Variants in CENPK observed in about 807,000 individuals in gnomAD.
CENPK encodes centromere protein K.
In CENPK, 46 loss-of-function variants were observed where a neutral mutation model predicts 40.9. The observed-to-expected ratio is 1.13, with a 90% CI of 0.89 to 1.44. The LOEUF (loss-of-function observed/expected upper bound fraction) is 1.44, where lower values mean the gene tolerates loss of function less well. Among genes scored for constraint, CENPK ranks in the 40% most tolerant of loss-of-function variants. CENPK has a pLI of 0.00. For synonymous variants in CENPK, 107 were observed against 104.4 expected, an observed-to-expected ratio of 1.02 and a Z score of -0.15; for missense variants, 288 against 303.5, an observed-to-expected ratio of 0.95 and a Z score of 0.38.
chr5:65,521,600 T>C (rs939787185), intron 9 of CENPK, 72 bp from the exon 10 acceptor site: 5 of 1,018,920 alleles, frequency 4.9e-6, no homozygotes, highest in Non-Finnish European at 7.5e-6. Context: ...GGACTGTTTT[T>C]ATAAGACTTT....
chr5:65,551,667 G>A lies in CENPK; in HGVS notation c.169-31C>T, dbSNP rs759409898. 8.7e-6 allele frequency: 11 copies of A among 1,260,814 alleles called. No individual in the cohort carries two copies. The Admixed American group carries it at 1.4e-4, about 16-fold the overall frequency. The allele number at this position is 1,260,814 out of a possible 1,614,324, so 78.1% of individuals were successfully genotyped here. ...AAAGAAGAAAACAAAGTCATTTTCT[G>A]TGGACTATTCATACCTATTCATAGA... On this transcript the variant is annotated intron_variant, in intron 4 of 10. Coordinates refer to ENST00000396679, the MANE Select transcript of CENPK (RefSeq NM_022145.5).
chr5:65,535,913 C>T (rs1035218949), intron 6 of CENPK, among the ~76,000 whole-genome samples: 2 of 152,042 alleles, frequency 1.3e-5, no homozygotes, highest in African/African-American at 2.4e-5. Context: ...GATTACAGGG[C>T]GGGTAAAGTT....
chr5:65,563,070 A>T, intron 1 of CENPK, 28 bp downstream of exon 1: 1 of 435,936 alleles, frequency 2.3e-6, no homozygotes. Flanking sequence ...TTCAACCGTT[A>T]TATCAACCTC....
intron 5 of CENPK, among the ~76,000 whole-genome samples, chr5:65,547,006 T>C (rs1324495714): frequency 1.3e-5 from 2 of 152,178 alleles, no homozygotes; most frequent in African/African-American, 2.4e-5. Flanking sequence ...TATGAACATA[T>C]GGAAGTTATT....
chr5:65,555,154 C>A, intron 2 of CENPK: 3 of 268,566 alleles, frequency 1.1e-5, no homozygotes, highest in Non-Finnish European at 1.4e-5. Flanking sequence ...TTTATAAGTG[C>A]CATGGAGAAA....
chr5:65,514,278 T>C (rs921513630), downstream of CENPK, among the ~76,000 whole-genome samples: 4 of 124,118 alleles, frequency 3.2e-5, no homozygotes, highest in African/African-American at 1.2e-4. Context: ...TTTTAGTTTT[T>C]TTTGAGACGT....
intron 3 of CENPK, among the ~76,000 whole-genome samples, chr5:65,554,310 C>T (rs1750624479): frequency 6.6e-6 from 1 of 151,984 alleles, no homozygotes; most frequent in African/African-American, 2.4e-5. Flanking sequence ...CACCACCGTG[C>T]CCAGCTAATT....
rs1213991862 is a variant in CENPK, at chr5:65,521,528, T to C, written c.598A>G (p.Lys200Glu). Residue 200 changes from lysine to glutamate, a missense_variant and splice_region_variant, in exon 10 of 11, where the codon AAA (lysine) becomes GAA (glutamate). Coordinates refer to ENST00000396679, the MANE Select transcript of CENPK (RefSeq NM_022145.5). ...TTTACAGATGATTCTTGAATGTTTT[T>C]CTTCAAGAGAAATGTGAATAACAAA... ...LPDRSVKKKK[K>E]NIQESSVNLI... is the part of the protein sequence containing the mutation. 1.3e-6 allele frequency: 2 copies of C among 1,593,646 alleles called. No homozygotes were observed. Among genetic ancestry groups the C allele is most frequent in the Non-Finnish European group, 1.7e-6 (2 of 1,162,728 alleles).
intron 6 of CENPK, among the ~76,000 whole-genome samples, chr5:65,541,116 C>T (rs1747895950): frequency 6.6e-6 from 1 of 152,152 alleles, no homozygotes; most frequent in Non-Finnish European, 1.5e-5. Flanking sequence ...AGCCACCATG[C>T]CCAGCCATGT....
intron 5 of CENPK, among the ~76,000 whole-genome samples, chr5:65,545,320 GCGCGCACACACA>G (rs1354160481): frequency 1.7e-4 from 6 of 34,604 alleles, no homozygotes; most frequent in African/African-American, 2.5e-4. Flanking sequence ...AGTCCTCAAA[GCGCGCACACACA>G]CACACACACA....
chr5:65,515,452 C>T (rs1224441327), downstream of CENPK, among the ~76,000 whole-genome samples: 11 of 152,222 alleles, frequency 7.2e-5, no homozygotes, highest in East Asian at 3.9e-4. Flanking sequence ...CCACCCGACT[C>T]GGCCTCCCAA....
At chr5:65,550,659 A>T (rs1324939074) in intron 5 of CENPK, 1 of 152,226 alleles carries the variant, frequency 6.6e-6, no homozygotes, top group Non-Finnish European at 1.5e-5. Flanking sequence ...CACAAACTGA[A>T]TTTGTTAAAC....
chr5:65,521,592 A>C, intron 9 of CENPK, 64 bp from the exon 10 acceptor site: 1 of 1,101,110 alleles, frequency 9.1e-7, no homozygotes, highest in South Asian at 1.3e-5. Flanking sequence ...GAAATATTGG[A>C]CTGTTTTTAT....
At chr5:65,504,513 C>T in the CENPK span, among the ~76,000 whole-genome samples, 1 of 149,832 alleles carries the variant, frequency 6.7e-6, no homozygotes, top group African/African-American at 2.5e-5. Context: ...AACTTTCTAC[C>T]AGATGTTTAT....
intron 2 of CENPK, among the ~76,000 whole-genome samples, chr5:65,558,761 T>A (rs1030719187): frequency 6.6e-6 from 1 of 152,030 alleles, no homozygotes; most frequent in Non-Finnish European, 1.5e-5. Flanking sequence ...AGTGAAAGAA[T>A]GGCCATAGGA....
intron 5 of CENPK, among the ~76,000 whole-genome samples, chr5:65,546,877 C>T (rs1293557662): frequency 1.3e-5 from 2 of 152,016 alleles, no homozygotes; most frequent in Non-Finnish European, 2.9e-5. Flanking sequence ...GCCACCTAGT[C>T]CATAGTAGTT....
chr5:65,536,431 T>G (rs1430378354), intron 6 of CENPK, among the ~76,000 whole-genome samples: 2 of 152,072 alleles, frequency 1.3e-5, no homozygotes. Context: ...CTTAACAACA[T>G]AGTGAGATCC....
chr5:65,549,009 C>A (rs190396789), intron 5 of CENPK, among the ~76,000 whole-genome samples: 1 of 152,126 alleles, frequency 6.6e-6, no homozygotes, highest in Admixed American at 6.5e-5. Flanking sequence ...TTGGCCCAGA[C>A]CATCAGAGGA....
intron 2 of CENPK, 39 bp from the exon 3 acceptor site, chr5:65,554,985 T>G: frequency 3.5e-6 from 3 of 851,864 alleles, no homozygotes; most frequent in Non-Finnish European, 6.0e-6. Flanking sequence ...CAGTATTGGT[T>G]GAACACTTAT....
Sources: allele counts gnomAD v4.1 joint callset (sites outside exome capture counted in the v4.1 genomes callset), GRCh38; gene constraint gnomAD v4.1.1; transcripts MANE v1.5; gene names NCBI Gene and HGNC (gene_info 2026-07-23, HGNC 2026-07-21).